The following PPHLN1 variants were observed in gnomAD, a reference collection of about 807,000 sequenced individuals.
PPHLN1 encodes periphilin 1, also known as periphilin-1.
A neutral mutation model predicts 51.3 loss-of-function variants in PPHLN1; 29 were observed. The observed-to-expected ratio is 0.57, with a 90% CI of 0.42 to 0.77. The LOEUF (loss-of-function observed/expected upper bound fraction) is 0.77, where lower values mean the gene tolerates loss of function less well. PPHLN1 is among the 30% of genes least tolerant of loss of function. The probability of loss-of-function intolerance (pLI) is 0.00; values close to 1 mark genes in which losing one functional copy is unlikely to be tolerated. For synonymous variants in PPHLN1, 147 were observed against 147.8 expected (o/e 0.99, Z 0.04); for missense variants, 436 against 438.4 (o/e 0.99, Z 0.05).
intron 1 of PPHLN1, among the ~76,000 whole-genome samples, chr12:42,332,939 G>A (rs1479733421): frequency 1.3e-5 from 2 of 151,644 alleles, no homozygotes; most frequent in Non-Finnish European, 2.9e-5. Context: ...TGATTTTCAG[G>A]AACTTTAAAA....
intron 9 of PPHLN1, among the ~76,000 whole-genome samples, chr12:42,402,020 A>G (rs1283453023): frequency 6.6e-6 from 1 of 151,988 alleles, no homozygotes; most frequent in Non-Finnish European, 1.5e-5. Context: ...ACTCCCAGCT[A>G]ATTTTTTTTT....
chr12:42,349,614 C>A (rs1050159081), intron 2 of PPHLN1, among the ~76,000 whole-genome samples: 1 of 152,040 alleles, frequency 6.6e-6, no homozygotes, highest in Non-Finnish European at 1.5e-5. Context: ...TGACTCTTAA[C>A]GAGCATGCTG....
downstream of PPHLN1, chr12:42,446,384 A>G (rs2083324975): frequency 1.6e-5 from 24 of 1,474,638 alleles, no homozygotes; most frequent in East Asian, 2.1e-4. Flanking sequence ...TTTCAGCCCT[A>G]TTCCCTTCCC....
intron 2 of PPHLN1, among the ~76,000 whole-genome samples, chr12:42,342,037 C>T (rs2071588266): frequency 6.6e-6 from 1 of 152,104 alleles, no homozygotes; most frequent in South Asian, 2.1e-4. Flanking sequence ...CAAAGAAGTG[C>T]ACTACAGAGA....
chr12:42,335,765 T>G, intron 1 of PPHLN1, 118 bp from the exon 2 acceptor site: 1 of 450,470 alleles, frequency 2.2e-6, no homozygotes. Context: ...CTTTCATTTT[T>G]TTTTTTTCTC....
chr12:42,379,436 A>G (rs1171118673), intron 5 of PPHLN1, among the ~76,000 whole-genome samples: 1 of 151,652 alleles, frequency 6.6e-6, no homozygotes, highest in Admixed American at 6.6e-5. Context: ...GAGTACTATC[A>G]TATTCTTCAT....
intron 2 of PPHLN1, among the ~76,000 whole-genome samples, chr12:42,342,132 T>C (rs2071604156): frequency 6.6e-6 from 1 of 152,224 alleles, no homozygotes; most frequent in Non-Finnish European, 1.5e-5. Context: ...CCTGTAAAGC[T>C]CTTGTTTTTA....
chr12:42,427,031 T>C (rs1229931831), intron 9 of PPHLN1, among the ~76,000 whole-genome samples: 1 of 152,160 alleles, frequency 6.6e-6, no homozygotes, highest in African/African-American at 2.4e-5. Context: ...CTCAAACCAA[T>C]GTAAGACTTT....
chr12:42,367,305 C>A (rs1278903746), intron 4 of PPHLN1, among the ~76,000 whole-genome samples: 1 of 152,110 alleles, frequency 6.6e-6, no homozygotes, highest in African/African-American at 2.4e-5. Context: ...TACTAGTGCA[C>A]ATGATGTTAG....
intron 5 of PPHLN1, among the ~76,000 whole-genome samples, chr12:42,383,639 G>A (rs1193439530): frequency 6.6e-6 from 1 of 152,090 alleles, no homozygotes; most frequent in Admixed American, 6.5e-5. Context: ...AGTTAGTAGT[G>A]CATGAAATGA....
Position 42,393,596 on chromosome 12 carries a change from T to C in PPHLN1, c.675T>C (p.Thr225=), listed in dbSNP as rs745909085. Residue 225 remains threonine, a synonymous_variant, in exon 8 of 10, where the codon ACT becomes ACC. Coordinates refer to ENST00000358314, the MANE Select transcript of PPHLN1 (RefSeq NM_201439.2). Reference sequence around the variant, plus strand: ...TGTTAGACAAACCCAGTAGGCTAACTGAAAAGGAACTTGCTGAGGCTGCAA... The same window carrying C: ...TGTTAGACAAACCCAGTAGGCTAACCGAAAAGGAACTTGCTGAGGCTGCAA... ...SKVLDKPSRL[T]EKELAEAASK... 3.1e-6 allele frequency: 5 copies of C among 1,609,892 alleles called. No homozygotes were observed. In the Admixed American group the frequency reaches 8.5e-5, roughly 27 times the overall value.
chr12:42,416,461 G>A (rs1335522804), intron 9 of PPHLN1, among the ~76,000 whole-genome samples: 1 of 152,136 alleles, frequency 6.6e-6, no homozygotes, highest in Non-Finnish European at 1.5e-5. Flanking sequence ...CAACAATACT[G>A]CCCTTACTTC....
intron 6 of PPHLN1, 63 bp downstream of exon 6, chr12:42,385,059 G>A (rs531960811): frequency 3.8e-5 from 56 of 1,483,442 alleles, no homozygotes; most frequent in African/African-American, 3.6e-4. Flanking sequence ...AACTGATAGC[G>A]GTTATGGAAA....
intron 9 of PPHLN1, among the ~76,000 whole-genome samples, chr12:42,415,838 G>A (rs1468168454): frequency 6.6e-6 from 1 of 152,232 alleles, no homozygotes; most frequent in African/African-American, 2.4e-5. Context: ...TGTTTAAAAA[G>A]CTCAAGTGAC....
chr12:42,331,599 C>G (rs1427034653), intron 1 of PPHLN1, among the ~76,000 whole-genome samples: 6 of 152,146 alleles, frequency 3.9e-5, no homozygotes, highest in Non-Finnish European at 8.8e-5. Flanking sequence ...ATTAAACATA[C>G]CGTCTTCATT....
At position 42,441,370 on chromosome 12, in the gene PPHLN1, A is replaced by G. The variant is rs2082941393; in HGVS notation, c.965A>G (p.Lys322Arg). The G allele has an allele frequency of 1.2e-6, 2 of 1,613,904 alleles. No individual in the cohort carries two copies. Among genetic ancestry groups the G allele is most frequent in the Non-Finnish European group, 1.7e-6 (2 of 1,179,886 alleles). ...ATGGTGGTGAAAATGCTGATTGAAA[A>G]AGATCCTTCATTAGAAAAGTCTATA... Reference protein sequence around the residue: ...FGMVVKMLIEKDPSLEKSIQF... With the variant: ...FGMVVKMLIERDPSLEKSIQF... The change falls in exon 10 of 10, where the codon AAA becomes AGA. Residue 322 changes from lysine to arginine, a missense_variant. Coordinates refer to ENST00000358314, the MANE Select transcript of PPHLN1 (RefSeq NM_201439.2).
intron 4 of PPHLN1, among the ~76,000 whole-genome samples, chr12:42,367,212 T>C (rs1423792134): frequency 6.6e-6 from 1 of 152,216 alleles, no homozygotes; most frequent in South Asian, 2.1e-4. Flanking sequence ...TGTTTATTAC[T>C]GTTTAATTTT....
At chr12:42,400,446 C>A (rs1259343879) in intron 9 of PPHLN1, 1 of 131,408 alleles carries the variant, frequency 7.6e-6, no homozygotes, top group Non-Finnish European at 1.6e-5. Context: ...CCAGCCTGGG[C>A]GACAGAGCGA....
downstream of PPHLN1, chr12:42,448,353 A>G (rs1399899325): frequency 7.2e-6 from 1 of 138,314 alleles, no homozygotes; most frequent in East Asian, 2.2e-4. Flanking sequence ...GTTAAAATCT[A>G]TTTGATTTTT....
Sources: allele counts gnomAD v4.1 joint callset (sites outside exome capture counted in the v4.1 genomes callset), GRCh38; gene constraint gnomAD v4.1.1; transcripts MANE v1.5; gene names NCBI Gene and HGNC (gene_info 2026-07-23, HGNC 2026-07-21).